Variants in SLC7A14 observed in about 807,000 individuals in gnomAD.
SLC7A14 encodes gamma-aminobutyric acid transporter SLC7A14.
A neutral mutation model predicts 60.2 loss-of-function variants in SLC7A14; 37 were observed. The ratio of observed to expected loss-of-function variants is 0.61; its 90% CI spans 0.47 to 0.81. The LOEUF (loss-of-function observed/expected upper bound fraction) is 0.81. SLC7A14 is among the 30% of genes least tolerant of loss of function. The pLI, the probability that SLC7A14 is intolerant of heterozygous loss-of-function variation, is 0.00. For missense variants in SLC7A14, 886 were observed against 982.7 expected, an observed-to-expected ratio of 0.90 and a Z score of 1.32; for synonymous variants, 399 against 395.8, an observed-to-expected ratio of 1.01 and a Z score of -0.10.
At chr3:170,567,024 A>G (rs894726006) in intron 1 of SLC7A14, among the ~76,000 whole-genome samples, 1 of 151,512 alleles carries the variant, frequency 6.6e-6, no homozygotes, top group Non-Finnish European at 1.5e-5. Flanking sequence ...TATTATTATT[A>G]TACTTTAAGT....
chr3:170,583,008 A>T (rs1715276252), intron 1 of SLC7A14, among the ~76,000 whole-genome samples: 1 of 152,232 alleles, frequency 6.6e-6, no homozygotes, highest in African/African-American at 2.4e-5. Flanking sequence ...AAATAACTTC[A>T]CATAGTGCCT....
chr3:170,584,977 G>C (rs968447775), intron 1 of SLC7A14, among the ~76,000 whole-genome samples: 4 of 152,140 alleles, frequency 2.6e-5, no homozygotes, highest in Admixed American at 2.6e-4. Flanking sequence ...GAGCCCCGCT[G>C]CTCTAGCCTT....
At chr3:170,544,267 G>A (rs1000412156) in intron 1 of SLC7A14, among the ~76,000 whole-genome samples, 1 of 151,816 alleles carries the variant, frequency 6.6e-6, no homozygotes, top group Non-Finnish European at 1.5e-5. Context: ...CACATTACAG[G>A]ACTGAAAGAG....
At chr3:170,513,747 C>G (rs1274478745) in intron 2 of SLC7A14, among the ~76,000 whole-genome samples, 1 of 152,196 alleles carries the variant, frequency 6.6e-6, no homozygotes, top group African/African-American at 2.4e-5. Flanking sequence ...AGGATCCATT[C>G]TCTTGCTTGC....
At chr3:170,579,451 A>G (rs1327481582) in intron 1 of SLC7A14, among the ~76,000 whole-genome samples, 1 of 152,234 alleles carries the variant, frequency 6.6e-6, no homozygotes, top group Non-Finnish European at 1.5e-5. Context: ...TTTAAAATGA[A>G]GAGAAAATGA....
At chr3:170,499,344 G>C (rs1712532173) in intron 3 of SLC7A14, among the ~76,000 whole-genome samples, 2 of 144,050 alleles carry the variant, frequency 1.4e-5, no homozygotes, top group Admixed American at 1.4e-4. Flanking sequence ...TAGTCCACAA[G>C]CAGATACCAG....
intron 1 of SLC7A14, among the ~76,000 whole-genome samples, chr3:170,566,179 G>T (rs1269734389): frequency 6.6e-6 from 1 of 152,110 alleles, no homozygotes; most frequent in South Asian, 2.1e-4. Flanking sequence ...CACCCCTCTG[G>T]GTGCTTGCTT....
At chr3:170,487,709 C>T (rs1044562440) in intron 4 of SLC7A14, among the ~76,000 whole-genome samples, 6 of 152,146 alleles carry the variant, frequency 3.9e-5, no homozygotes, top group Admixed American at 1.3e-4. Context: ...TGTTTCCTAC[C>T]GTTTCTCTCA....
At chr3:170,487,283 G>T (rs577696043) in intron 4 of SLC7A14, among the ~76,000 whole-genome samples, 3 of 150,554 alleles carry the variant, frequency 2.0e-5, no homozygotes, top group Admixed American at 6.7e-5. Flanking sequence ...TTCTTTGAAA[G>T]AACCTATTGA....
chr3:170,582,804 G>A (rs1235525552), intron 1 of SLC7A14, among the ~76,000 whole-genome samples: 1 of 152,156 alleles, frequency 6.6e-6, no homozygotes, highest in Admixed American at 6.5e-5. Context: ...TTTGGAGCAG[G>A]ATGGAACTAT....
intron 1 of SLC7A14, among the ~76,000 whole-genome samples, chr3:170,565,569 C>T (rs1030217047): frequency 6.6e-6 from 1 of 152,052 alleles, no homozygotes; most frequent in African/African-American, 2.4e-5. Context: ...CTGTAGACAG[C>T]GAGGAGGAGA....
intron 1 of SLC7A14, among the ~76,000 whole-genome samples, chr3:170,560,395 T>A (rs980468451): frequency 2.6e-5 from 4 of 152,084 alleles, no homozygotes; most frequent in African/African-American, 4.8e-5. Context: ...CCTACAGATG[T>A]ATAAGAAAAA....
intron 1 of SLC7A14, among the ~76,000 whole-genome samples, chr3:170,565,287 G>C (rs1714761140): frequency 6.6e-6 from 1 of 152,168 alleles, no homozygotes; most frequent in African/African-American, 2.4e-5. Context: ...AACTGCAGTA[G>C]TAGCTAAGAG....
At chr3:170,542,395 G>T (rs1714046978) in intron 1 of SLC7A14, among the ~76,000 whole-genome samples, 1 of 152,118 alleles carries the variant, frequency 6.6e-6, no homozygotes, top group South Asian at 2.1e-4. Context: ...GCAAGTAAAA[G>T]CACCCACCGG....
intron 5 of SLC7A14, among the ~76,000 whole-genome samples, chr3:170,483,767 T>G (rs1474973160): frequency 6.6e-6 from 1 of 152,232 alleles, no homozygotes; most frequent in Non-Finnish European, 1.5e-5. Context: ...TCTCTGGTCC[T>G]TTGATATCTG....
chr3:170,536,769 A>G (rs1472920142), intron 1 of SLC7A14, among the ~76,000 whole-genome samples: 1 of 152,208 alleles, frequency 6.6e-6, no homozygotes, highest in Non-Finnish European at 1.5e-5. Flanking sequence ...TGCAAAGTGT[A>G]CTCATGAGAG....
At chr3:170,469,090 C>T (rs1739805605) in intron 7 of SLC7A14, among the ~76,000 whole-genome samples, 2 of 152,188 alleles carry the variant, frequency 1.3e-5, no homozygotes. Flanking sequence ...GGCCTAGGCA[C>T]TGGGGTCCAT....
chr3:170,481,006 C>A lies in SLC7A14; in HGVS notation c.1276G>T (p.Val426Phe), dbSNP rs765532541. ...TCAGGTTGGTATCGAAGGAGCAAGA[C>A]ACAGACAGAGACCAAGGTGTAGGCC... ...LLAYTLVSVC[V>F]LLLRYQPESD... The change falls in exon 7 of 8, where the codon GTC becomes TTC. Residue 426 changes from valine to phenylalanine, a missense_variant. By Grantham distance (50) the Val-to-Phe change is conservative. Coordinates refer to ENST00000231706, the MANE Select transcript of SLC7A14 (RefSeq NM_020949.3). 7.4e-6 allele frequency: 12 copies of A among 1,614,110 alleles called. No homozygotes were observed. Among genetic ancestry groups the A allele is most frequent in the Non-Finnish European group, 1.0e-5 (12 of 1,180,016 alleles).
At chr3:170,526,244 A>T (rs532968180) in intron 2 of SLC7A14, among the ~76,000 whole-genome samples, 2 of 151,930 alleles carry the variant, frequency 1.3e-5, no homozygotes, top group East Asian at 3.9e-4. Context: ...TCTACTAAAA[A>T]TACAAAAATT....
Sources: allele counts gnomAD v4.1 joint callset (sites outside exome capture counted in the v4.1 genomes callset), GRCh38; gene constraint gnomAD v4.1.1; transcripts MANE v1.5; gene names NCBI Gene and HGNC (gene_info 2026-07-23, HGNC 2026-07-21).